PAK3: variants seen among roughly 807,000 people sequenced by gnomAD.
The protein encoded by PAK3 is p21 (RAC1) activated kinase 3.
PAK3 carries 4 observed loss-of-function variants against 41.0 expected under a neutral mutation model. The observed-to-expected ratio is 0.10, with a 90% CI of 0.05 to 0.22. The LOEUF (loss-of-function observed/expected upper bound fraction) is 0.22. PAK3 is among the 10% of genes least tolerant of loss of function. The probability of loss-of-function intolerance (pLI) is 1.00; values close to 1 mark genes in which losing one functional copy is unlikely to be tolerated. For missense variants in PAK3, 205 were observed against 409.9 expected, an observed-to-expected ratio of 0.50 and a Z score of 4.32; for synonymous variants, 146 against 139.6, an observed-to-expected ratio of 1.05 and a Z score of -0.32.
intron 5 of PAK3, among the ~76,000 whole-genome samples, chrX:111,134,481 T>G (rs897188000): frequency 3.6e-5 from 4 of 112,039 alleles, no homozygotes; most frequent in African/African-American, 1.3e-4. Flanking sequence ...ATCCATTCAT[T>G]TTTTGTTCAT....
At chrX:110,977,825 T>C (rs895808733) in intron 1 of PAK3, among the ~76,000 whole-genome samples, 1 of 112,094 alleles carries the variant, frequency 8.9e-6, no homozygotes, top group African/African-American at 3.2e-5. Context: ...TTCTGGACAC[T>C]GGTCATGTCA....
intron 17 of PAK3, 186 bp downstream of exon 17, chrX:111,216,744 G>A (rs1369031288): frequency 6.0e-6 from 1 of 165,499 alleles, no homozygotes; most frequent in Non-Finnish European, 9.7e-6. Context: ...CCTTTCTTCT[G>A]AGAAGTTGGC....
chrX:111,104,754 AT>A (rs993827166), intron 4 of PAK3, among the ~76,000 whole-genome samples: 19 of 109,570 alleles, frequency 1.7e-4, no homozygotes, highest in African/African-American at 3.7e-4. Flanking sequence ...CAAGGTAGGT[AT>A]TTTTTTTTCT....
upstream of PAK3, among the ~76,000 whole-genome samples, chrX:111,095,670 TC>T (rs2092970349): frequency 8.9e-6 from 1 of 112,155 alleles, no homozygotes; most frequent in Non-Finnish European, 1.9e-5. Context: ...TAGACTGCCA[TC>T]TCTTTGAATT....
intron 1 of PAK3, among the ~76,000 whole-genome samples, chrX:111,017,791 T>G (rs772135376): frequency 5.4e-5 from 6 of 111,840 alleles, no homozygotes; most frequent in African/African-American, 1.9e-4. Context: ...GCAAGAGAAC[T>G]ACAGACCAAT....
chrX:111,200,776 A>G (rs2094673951), intron 16 of PAK3, among the ~76,000 whole-genome samples: 1 of 112,453 alleles, frequency 8.9e-6, no homozygotes, highest in Non-Finnish European at 1.9e-5. Context: ...AGTAATTTAC[A>G]GCCTGCAAAT....
At chrX:111,044,964 A>G (rs926699920) in intron 1 of PAK3, among the ~76,000 whole-genome samples, 3 of 112,019 alleles carry the variant, frequency 2.7e-5, no homozygotes, top group African/African-American at 9.7e-5. Context: ...TTCAGGCTAT[A>G]TGACCTATGA....
intron 11 of PAK3, 49 bp downstream of exon 11, chrX:111,173,130 C>T (rs990278572): frequency 5.2e-5 from 32 of 616,519 alleles, no homozygotes; most frequent in Admixed American, 2.7e-4. Context: ...AAGCAACATA[C>T]ATTAAAATTA....
intron 1 of PAK3, among the ~76,000 whole-genome samples, chrX:111,076,883 G>T (rs2092790234): frequency 9.0e-6 from 1 of 111,230 alleles, no homozygotes; most frequent in Non-Finnish European, 1.9e-5. Flanking sequence ...AAGTTTAAAT[G>T]GTTTCTGTTT....
chrX:111,163,935 C>T (rs1028931747), intron 10 of PAK3, among the ~76,000 whole-genome samples: 2 of 111,767 alleles, frequency 1.8e-5, no homozygotes, highest in East Asian at 2.8e-4. Context: ...AATATTTTTA[C>T]TTGAAGGAAT....
intron 1 of PAK3, among the ~76,000 whole-genome samples, chrX:110,982,932 A>C (rs1375957720): frequency 1.8e-5 from 2 of 110,288 alleles, no homozygotes; most frequent in African/African-American, 6.6e-5. Flanking sequence ...CACTGTGCAC[A>C]AGGGGATGAT....
chrX:111,202,480 G>C (rs1441701286), intron 16 of PAK3, among the ~76,000 whole-genome samples: 1 of 111,425 alleles, frequency 9.0e-6, no homozygotes, highest in African/African-American at 3.3e-5. Context: ...CAATAATTAA[G>C]TACCTTGTTC....
chrX:111,151,163 A>G (rs1284048266), intron 7 of PAK3, among the ~76,000 whole-genome samples: 9 of 112,490 alleles, frequency 8.0e-5, no homozygotes, highest in Non-Finnish European at 1.5e-4. Flanking sequence ...ATATCAAAAA[A>G]TGTTTCATGT....
chrX:111,222,585 T>A lies in PAK3; in HGVS notation c.*2138T>A, dbSNP rs771670615. 1.8e-5 allele frequency: 2 copies of A among 112,505 alleles called. No individual in the cohort carries two copies. The highest frequency in any genetic ancestry group is 7.3e-4 in the South Asian group (2 of 2,737). The allele number at this position is 112,505 out of a possible 1,213,427, so 9.3% of individuals were successfully genotyped here. ...GAGAGGCCTTAATTTTGATTTCATT[T>A]AAAAATAAGTACTTTAAAAAATTTT... On this transcript the variant is annotated 3_prime_UTR_variant, in exon 18 of 18. Transcript: ENST00000372007.
intron 6 of PAK3, among the ~76,000 whole-genome samples, chrX:111,144,531 C>T (rs770863770): frequency 9.0e-6 from 1 of 111,305 alleles, no homozygotes; most frequent in Non-Finnish European, 1.9e-5. Context: ...GAATTGGGTC[C>T]TAATTGTCAT....
intron 1 of PAK3, among the ~76,000 whole-genome samples, chrX:110,976,866 C>A (rs1487399835): frequency 1.8e-5 from 2 of 109,496 alleles, no homozygotes; most frequent in Non-Finnish European, 3.8e-5. Flanking sequence ...GGACAGAAAA[C>A]CAAACATCAC....
chrX:110,955,617 A>G (rs1419708847), intron 1 of PAK3, among the ~76,000 whole-genome samples: 1 of 111,753 alleles, frequency 8.9e-6, no homozygotes, highest in Non-Finnish European at 1.9e-5. Flanking sequence ...CAGCCTGGGC[A>G]AAAGAGTGAG....
At chrX:111,103,758 A>T (rs1057039126) in intron 4 of PAK3, among the ~76,000 whole-genome samples, 20 of 111,208 alleles carry the variant, frequency 1.8e-4, no homozygotes, top group African/African-American at 6.6e-4. Context: ...TCCTGTTTGA[A>T]GTGTACCCCC....
chrX:111,121,648 GATAAT>G (rs759228186), intron 4 of PAK3, among the ~76,000 whole-genome samples: 163 of 111,918 alleles, frequency 1.5e-3, no homozygotes, highest in African/African-American at 4.8e-3. Flanking sequence ...GAAACAAAGT[GATAAT>G]GCTAAGTCAT....
Sources: allele counts gnomAD v4.1 joint callset (sites outside exome capture counted in the v4.1 genomes callset), GRCh38; gene constraint gnomAD v4.1.1; transcripts MANE v1.5; gene names NCBI Gene and HGNC (gene_info 2026-07-23, HGNC 2026-07-21).